SV2B: variants seen among roughly 807,000 people sequenced by gnomAD.
SV2B encodes the protein synaptic vesicle glycoprotein 2B.
In SV2B, 41 loss-of-function variants were observed where a neutral mutation model predicts 73.9. That is an observed-to-expected ratio of 0.56 (90% CI 0.43 to 0.72). The LOEUF is 0.72. Ranked by LOEUF, SV2B falls within the 30% of genes least tolerant of loss-of-function variation. The probability of loss-of-function intolerance (pLI) is 0.00; values close to 1 mark genes in which losing one functional copy is unlikely to be tolerated. For synonymous variants in SV2B, 314 were observed against 314.2 expected (o/e 1.00, Z 0.01); for missense variants, 764 against 857.8 (o/e 0.89, Z 1.37).
At chr15:91,178,678 G>C (rs544993787) in intron 1 of SV2B, among the ~76,000 whole-genome samples, 2 of 151,596 alleles carry the variant, frequency 1.3e-5, no homozygotes, top group Admixed American at 6.6e-5. Flanking sequence ...GTTTATTTGC[G>C]TAGAGGTGTT....
At chr15:91,192,004 A>G (rs532137276) in intron 1 of SV2B, among the ~76,000 whole-genome samples, 1 of 148,958 alleles carries the variant, frequency 6.7e-6, no homozygotes, top group Admixed American at 6.6e-5. Flanking sequence ...TAGATTCCAG[A>G]TCTTCCACCA....
At chr15:91,279,134 T>C (rs1335131432) in intron 9 of SV2B, among the ~76,000 whole-genome samples, 1 of 152,242 alleles carries the variant, frequency 6.6e-6, no homozygotes, top group Non-Finnish European at 1.5e-5. Context: ...CCTCATACTT[T>C]ACCCAACTGG....
chr15:91,153,953 A>C (rs1371694533), intron 1 of SV2B, among the ~76,000 whole-genome samples: 1 of 152,052 alleles, frequency 6.6e-6, no homozygotes, highest in East Asian at 1.9e-4. Context: ...CATCCCAACT[A>C]AGGGAGACAC....
At position 91,139,949 on chromosome 15, in the gene SV2B, G is replaced by A. The variant is rs2042952867; in HGVS notation, c.-392+39586G>A. On this transcript the variant is annotated intron_variant, in intron 1 of 12. Coordinates refer to ENST00000394232, the MANE Select transcript of SV2B (RefSeq NM_001323032.3). This position sits in a 1 kb window ranked among gnomAD's most constrained non-coding sequence, Gnocchi z 5.2. Reference sequence around the variant, plus strand: ...GAGTGACAGCCTGCGTCTCAGCCCAGATCATTTGGAAATTGGGCTCATGCT... The same window carrying A: ...GAGTGACAGCCTGCGTCTCAGCCCAAATCATTTGGAAATTGGGCTCATGCT... Among the ~76,000 whole-genome samples the A allele has an allele frequency of 6.6e-6, 1 of 152,208 alleles. No individual in the cohort carries two copies. Among genetic ancestry groups the A allele is most frequent in the Non-Finnish European group, 1.5e-5 (1 of 68,028 alleles).
At chr15:91,269,849 C>T (rs1264751883) in intron 9 of SV2B, among the ~76,000 whole-genome samples, 2 of 152,142 alleles carry the variant, frequency 1.3e-5, no homozygotes, top group African/African-American at 4.8e-5. Context: ...TTTTAAAATG[C>T]TGAAGCCCAG....
chr15:91,103,837 A>G (rs1026865970), intron 1 of SV2B, among the ~76,000 whole-genome samples: 4 of 152,068 alleles, frequency 2.6e-5, no homozygotes, highest in Non-Finnish European at 4.4e-5. Flanking sequence ...CCCCCATCCA[A>G]TATCTGGCTT....
intron 1 of SV2B, among the ~76,000 whole-genome samples, chr15:91,102,542 C>G (rs770438276): frequency 6.6e-6 from 1 of 152,176 alleles, no homozygotes; most frequent in Non-Finnish European, 1.5e-5. Flanking sequence ...AGCCATTGCT[C>G]TATGTGTGGA....
intron 1 of SV2B, among the ~76,000 whole-genome samples, chr15:91,201,241 C>G (rs961829125): frequency 1.3e-5 from 2 of 152,126 alleles, no homozygotes; most frequent in Non-Finnish European, 1.5e-5. Context: ...ATGTACAAAT[C>G]CTCAAGTGTT....
chr15:91,193,511 G>A, intron 1 of SV2B, among the ~76,000 whole-genome samples: 1 of 152,216 alleles, frequency 6.6e-6, no homozygotes, highest in East Asian at 1.9e-4. Context: ...AGCAGATGGT[G>A]ACTTCACTTG....
In SV2B at chr15:91,224,773, G is replaced by A. The variant is rs1379574012; in HGVS notation, c.-391-1100G>A. Among the ~76,000 whole-genome samples, 1 of 152,136 alleles carries A rather than the reference G, an allele frequency of 6.6e-6. No individual in the cohort carries two copies. Among genetic ancestry groups the A allele is most frequent in the Non-Finnish European group, 1.5e-5 (1 of 68,026 alleles). On this transcript the variant is annotated intron_variant, in intron 1 of 12. Coordinates refer to ENST00000394232, the MANE Select transcript of SV2B (RefSeq NM_001323032.3). The surrounding 1 kb of genome is among the most constrained non-coding windows in gnomAD (Gnocchi z 4.9). ...TTGCTGTTGTGGGAATTACAGATAA[G>A]AGATGTGATACACTCAGCACATGTT...
intron 9 of SV2B, among the ~76,000 whole-genome samples, chr15:91,277,381 C>T (rs575460784): frequency 1.3e-5 from 2 of 152,256 alleles, no homozygotes; most frequent in Admixed American, 6.5e-5. Context: ...TTTTAGTATA[C>T]AGCACTGTGA....
chr15:91,149,713 G>A (rs557892641), intron 1 of SV2B, among the ~76,000 whole-genome samples: 1 of 152,276 alleles, frequency 6.6e-6, no homozygotes, highest in South Asian at 2.1e-4. Context: ...GTCCTCATGT[G>A]AGAAAGCTGA....
In SV2B at chr15:91,227,950, A is replaced by T. The variant is rs142525338; in HGVS notation, c.451+1236A>T. Among the ~76,000 whole-genome samples, 1 of 152,352 alleles carries T rather than the reference A, an allele frequency of 6.6e-6. No homozygotes were observed. The highest frequency in any genetic ancestry group is 2.4e-5 in the African/African-American group (1 of 41,588). ...AATCACTCAACTCTGTCACTGTAGC[A>T]CAATAGCAGCTTTGAACAACACGTA... On this transcript the variant is annotated intron_variant, in intron 2 of 12. Coordinates refer to ENST00000394232, the MANE Select transcript of SV2B (RefSeq NM_001323032.3). The surrounding 1 kb of genome is among the most constrained non-coding windows in gnomAD (Gnocchi z 4.5).
Position 91,224,186 on chromosome 15 carries a change from G to A in SV2B, c.-391-1687G>A, listed in dbSNP as rs1163624544. Among the ~76,000 whole-genome samples, 1 of 152,238 alleles carries A rather than the reference G, an allele frequency of 6.6e-6. No individual in the cohort carries two copies. The highest frequency in any genetic ancestry group is 2.4e-5 in the African/African-American group (1 of 41,466). Reference sequence around the variant, plus strand: ...GAGGGAGGAGTCAAGTAGCCATGGTGAGGACAAATGTATCCAATCCTTTGT... The same window carrying A: ...GAGGGAGGAGTCAAGTAGCCATGGTAAGGACAAATGTATCCAATCCTTTGT... On this transcript the variant is annotated intron_variant, in intron 1 of 12. Transcript: ENST00000394232. The surrounding 1 kb of genome is among the most constrained non-coding windows in gnomAD (Gnocchi z 4.9).
At chr15:91,254,867 T>C (rs2047625593) in intron 4 of SV2B, among the ~76,000 whole-genome samples, 1 of 152,234 alleles carries the variant, frequency 6.6e-6, no homozygotes, top group South Asian at 2.1e-4. Context: ...TGCAGACTGC[T>C]TGTTTCATGG....
chr15:91,275,386 GC>G (rs1162668303), intron 9 of SV2B, among the ~76,000 whole-genome samples: 1 of 152,134 alleles, frequency 6.6e-6, no homozygotes, highest in Non-Finnish European at 1.5e-5. Flanking sequence ...TAGTGTAAGA[GC>G]CTTACAACAG....
In SV2B at chr15:91,289,489, T is replaced by C. The variant is rs751521714; in HGVS notation, c.1709-32T>C. The C allele has an allele frequency of 1.4e-5, 22 of 1,613,664 alleles. No individual in the cohort carries two copies. The highest frequency in any genetic ancestry group is 1.6e-5 in the Non-Finnish European group (19 of 1,179,836). On this transcript the variant is annotated intron_variant, in intron 11 of 12. Transcript: ENST00000394232. This position sits in a 1 kb window ranked among gnomAD's most constrained non-coding sequence, Gnocchi z 4.9. ...AGCCATGTGCAAGACACAGGCCTCA[T>C]GTTTCTTTTTGCCCTTGAACTCCCT... is the stretch of plus-strand genomic sequence containing the variant.
chr15:91,127,385 C>T, intron 1 of SV2B, among the ~76,000 whole-genome samples: 1 of 151,872 alleles, frequency 6.6e-6, no homozygotes, highest in East Asian at 1.9e-4. Flanking sequence ...CTTTGTGTGG[C>T]TGTTCCAGAA....
intron 1 of SV2B, among the ~76,000 whole-genome samples, chr15:91,209,364 C>A (rs1343225108): frequency 2.0e-5 from 3 of 152,058 alleles, no homozygotes; most frequent in Non-Finnish European, 4.4e-5. Flanking sequence ...TCAGGTGATG[C>A]CCCCACCTCG....
Sources: gnomAD v4.1 joint callset for allele counts (sites outside exome capture counted in the v4.1 genomes callset) on GRCh38, gnomAD v4.1.1 for gene constraint, Gnocchi (gnomAD v3.1) non-coding constraint, MANE v1.5 for transcripts, NCBI Gene and HGNC (gene_info 2026-07-23, HGNC 2026-07-21) for gene names.